Variants in CAST observed in about 807,000 individuals in gnomAD.
CAST encodes the protein calpastatin.
A neutral mutation model predicts 119.6 loss-of-function variants in CAST; 76 were observed. That is an observed-to-expected ratio of 0.64 (90% CI 0.53 to 0.77). The LOEUF is 0.77. Ranked by LOEUF, CAST falls within the 30% of genes least tolerant of loss-of-function variation. The pLI is 0.00. For synonymous variants in CAST, 319 were observed against 331.6 expected, an observed-to-expected ratio of 0.96 and a Z score of 0.41; for missense variants, 953 against 946.5, an observed-to-expected ratio of 1.01 and a Z score of -0.09.
chr5:96,423,783 T>C, the CAST span, among the ~76,000 whole-genome samples: 2 of 152,336 alleles, frequency 1.3e-5, no homozygotes, highest in South Asian at 4.1e-4. Context: ...AACCCTTTCA[T>C]CTATGGAAGC....
intron 1 of CAST, among the ~76,000 whole-genome samples, chr5:96,536,653 C>G (rs1041755535): frequency 3.3e-5 from 5 of 152,114 alleles, no homozygotes; most frequent in African/African-American, 1.2e-4. Context: ...TTTTCTTTCT[C>G]TATATTCATC....
chr5:96,729,656 T>C lies in CAST; in HGVS notation c.480T>C (p.Asp160=), dbSNP rs770861432. The change falls in exon 8 of 32, where the codon GAT becomes GAC. Residue 160 remains aspartate, a synonymous_variant. Coordinates refer to ENST00000675179, the MANE Select transcript of CAST (RefSeq NM_001750.7). Reference sequence around the variant, plus strand: ...AGGCATCAGATACAGGAAGTAACGATGCTCACAATAAAAAAGCAGTTTCCA... The same window carrying C: ...AGGCATCAGATACAGGAAGTAACGACGCTCACAATAAAAAAGCAGTTTCCA... ...PKQASDTGSN[D]AHNKKAVSRS... The C allele has an allele frequency of 1.2e-6, 2 of 1,604,542 alleles. No individual in the cohort carries two copies. Among genetic ancestry groups the C allele is most frequent in the Admixed American group, 3.3e-5 (2 of 59,996 alleles).
At chr5:96,203,298 G>C in the CAST span, among the ~76,000 whole-genome samples, 1 of 151,840 alleles carries the variant, frequency 6.6e-6, no homozygotes, top group East Asian at 1.9e-4. Flanking sequence ...TTATGGTGTA[G>C]AGACTTTTAG....
chr5:96,175,842 T>A, the CAST span, among the ~76,000 whole-genome samples: 1 of 152,226 alleles, frequency 6.6e-6, no homozygotes, highest in Non-Finnish European at 1.5e-5. Context: ...ATCCTGGTTA[T>A]TTTTCTTAAA....
chr5:95,989,333 T>G, the CAST span, among the ~76,000 whole-genome samples: 7 of 152,194 alleles, frequency 4.6e-5, no homozygotes, highest in Non-Finnish European at 1.0e-4. Flanking sequence ...TTTTAATTAT[T>G]TAGATGTTTC....
At chr5:96,529,411 CTT>C (rs1011591099), upstream of CAST, among the ~76,000 whole-genome samples, 2 of 148,612 alleles carry the variant, frequency 1.3e-5, no homozygotes, top group Non-Finnish European at 3.0e-5. Context: ...GTTTGCCAGT[CTT>C]ATTGCAGTAT....
At chr5:96,066,510 T>C in the CAST span, among the ~76,000 whole-genome samples, 1 of 152,066 alleles carries the variant, frequency 6.6e-6, no homozygotes, top group Admixed American at 6.6e-5. Flanking sequence ...CCTGTCTTCC[T>C]CTCATCTGTT....
chr5:96,417,114 C>T, the CAST span, among the ~76,000 whole-genome samples: 1 of 152,172 alleles, frequency 6.6e-6, no homozygotes, highest in Non-Finnish European at 1.5e-5. Context: ...TAATGTTGGC[C>T]AGTTACATTT....
At chr5:96,230,838 T>C in the CAST span, among the ~76,000 whole-genome samples, 1 of 152,078 alleles carries the variant, frequency 6.6e-6, no homozygotes, top group Non-Finnish European at 1.5e-5. Flanking sequence ...ATGATAAGAA[T>C]AGACATTTCT....
the CAST span, among the ~76,000 whole-genome samples, chr5:96,288,581 T>C: frequency 4.9e-3 from 752 of 152,282 alleles, 4 homozygotes; most frequent in African/African-American, 0.017. Flanking sequence ...AAAATAATAA[T>C]TCTGCATCAT....
the CAST span, among the ~76,000 whole-genome samples, chr5:96,360,699 T>A: frequency 2.0e-5 from 3 of 152,218 alleles, no homozygotes; most frequent in African/African-American, 4.8e-5. Context: ...TTCCTTCCTC[T>A]GGAAGCTTCA....
At chr5:96,260,477 T>C in the CAST span, among the ~76,000 whole-genome samples, 3 of 152,354 alleles carry the variant, frequency 2.0e-5, no homozygotes, top group Non-Finnish European at 4.4e-5. Flanking sequence ...AAAGTACCTT[T>C]GTGAAAGCTA....
At chr5:96,006,770 C>T in the CAST span, among the ~76,000 whole-genome samples, 3 of 152,180 alleles carry the variant, frequency 2.0e-5, no homozygotes, top group African/African-American at 7.2e-5. Context: ...GGACAGGGCT[C>T]TTCAGCATGT....
At chr5:96,221,481 A>G in the CAST span, among the ~76,000 whole-genome samples, 1 of 152,138 alleles carries the variant, frequency 6.6e-6, no homozygotes, top group Admixed American at 6.6e-5. Flanking sequence ...TAGCTGAAAA[A>G]GAAATCAACA....
At chr5:96,254,663 T>C in the CAST span, among the ~76,000 whole-genome samples, 1 of 152,168 alleles carries the variant, frequency 6.6e-6, no homozygotes, top group African/African-American at 2.4e-5. Context: ...AAATGTGCTT[T>C]GAATTTTACT....
At chr5:96,638,589 C>T (rs944087671) in intron 1 of CAST, among the ~76,000 whole-genome samples, 5 of 152,184 alleles carry the variant, frequency 3.3e-5, no homozygotes, top group African/African-American at 7.2e-5. Flanking sequence ...TAGGGTTACA[C>T]AAGGCAGCTG....
At chr5:96,706,566 A>C (rs1308789231) in intron 3 of CAST, among the ~76,000 whole-genome samples, 2 of 152,246 alleles carry the variant, frequency 1.3e-5, no homozygotes, top group Non-Finnish European at 2.9e-5. Flanking sequence ...AGGCTAAAGC[A>C]GAAAATGCCA....
chr5:96,289,652 A>G, the CAST span, among the ~76,000 whole-genome samples: 5 of 152,130 alleles, frequency 3.3e-5, no homozygotes, highest in African/African-American at 9.7e-5. Flanking sequence ...TTTATAAATT[A>G]CCCAGTCTTG....
At chr5:96,219,906 C>A in the CAST span, among the ~76,000 whole-genome samples, 3 of 152,208 alleles carry the variant, frequency 2.0e-5, no homozygotes, top group African/African-American at 7.2e-5. Flanking sequence ...CACTCTGTCT[C>A]CTGCTAAAGG....
Sources: gnomAD v4.1 joint callset for allele counts (sites outside exome capture counted in the v4.1 genomes callset) on GRCh38, gnomAD v4.1.1 for gene constraint, MANE v1.5 for transcripts, NCBI Gene and HGNC (gene_info 2026-07-23, HGNC 2026-07-21) for gene names.